DAB1: variants seen among roughly 807,000 people sequenced by gnomAD.
DAB1 encodes DAB adaptor protein 1.
Under a neutral mutation model 64.6 loss-of-function variants are expected in DAB1, and 15 were observed. The observed-to-expected ratio is 0.23, with a 90% confidence interval of 0.16 to 0.36. The LOEUF is 0.36. Ranked by LOEUF, DAB1 falls within the 10% of genes least tolerant of loss-of-function variation. DAB1 has a pLI of 1.00. For missense variants in DAB1, 596 were observed against 706.7 expected (o/e 0.84, Z 1.78); for synonymous variants, 235 against 251.9 (o/e 0.93, Z 0.64).
chr1:57,193,472 C>T (rs1472703545), intron 2 of DAB1, among the ~76,000 whole-genome samples: 1 of 141,122 alleles, frequency 7.1e-6, no homozygotes, highest in African/African-American at 2.7e-5. Flanking sequence ...CTACAAGCTC[C>T]ACCTCCCGGG....
At chr1:58,525,297 A>G (rs921878227) in intron 2 of DAB1, among the ~76,000 whole-genome samples, 12 of 152,110 alleles carry the variant, frequency 7.9e-5, no homozygotes, top group African/African-American at 2.9e-4. Context: ...ACCTTCCAAT[A>G]TATTTATTGA....
Position 57,159,958 on chromosome 1 carries a change from G to T in DAB1, c.68-14529C>A, listed in dbSNP as rs56755034. Among the ~76,000 whole-genome samples, 243 of 151,838 alleles carry T rather than the reference G, an allele frequency of 1.6e-3. 1 individual carries two copies. Among genetic ancestry groups the T allele is most frequent in the Middle Eastern group, 0.01 (3 of 292 alleles). ...GTCTTTCTGACGTCCTCCCATGAAG[G>T]CTTGAGGAGCGTAGCCTATCCTGCT... On this transcript the variant is annotated intron_variant, in intron 2 of 14. Coordinates refer to ENST00000371236, the MANE Select transcript of DAB1 (RefSeq NM_001365792.1).
intron 4 of DAB1, among the ~76,000 whole-genome samples, chr1:58,169,451 C>T (rs1656043035): frequency 6.6e-6 from 1 of 152,124 alleles, no homozygotes; most frequent in African/African-American, 2.4e-5. Context: ...AAAATGCATC[C>T]TAAGCCATTG....
chr1:57,246,126 G>A (rs1208774227), intron 2 of DAB1, among the ~76,000 whole-genome samples: 1 of 152,184 alleles, frequency 6.6e-6, no homozygotes, highest in Non-Finnish European at 1.5e-5. Flanking sequence ...TAAGTAATGA[G>A]GAGCCAAGTA....
chr1:57,598,881 A>G (rs1333104056), intron 7 of DAB1, among the ~76,000 whole-genome samples: 1 of 152,120 alleles, frequency 6.6e-6, no homozygotes. Context: ...AGCTTCACCA[A>G]TTCCTGCCAA....
At chr1:57,825,997 G>A (rs1652333440), downstream of DAB1, 1 of 152,146 alleles carries the variant, frequency 6.6e-6, no homozygotes, top group African/African-American at 2.4e-5. Context: ...TAACAGGTGT[G>A]GTGTATCATT....
chr1:58,511,634 C>T (rs542544714), intron 2 of DAB1, among the ~76,000 whole-genome samples: 84 of 151,874 alleles, frequency 5.5e-4, no homozygotes, highest in African/African-American at 1.3e-3. Flanking sequence ...GTCTCAAAAA[C>T]GAACACACAC....
At chr1:57,873,107 G>T (rs981437070) in intron 1 of DAB1, among the ~76,000 whole-genome samples, 13 of 152,086 alleles carry the variant, frequency 8.5e-5, no homozygotes, top group Non-Finnish European at 1.8e-4. Context: ...TCTAAGGCCA[G>T]ATCATAAAGG....
At chr1:57,168,176 G>A (rs1415924863) in intron 2 of DAB1, among the ~76,000 whole-genome samples, 2 of 152,188 alleles carry the variant, frequency 1.3e-5, no homozygotes, top group Non-Finnish European at 2.9e-5. Context: ...ACTCTTCAGA[G>A]AGTGTATTCT....
At chr1:57,109,175 A>C (rs1023790531) in intron 4 of DAB1, among the ~76,000 whole-genome samples, 3 of 152,206 alleles carry the variant, frequency 2.0e-5, no homozygotes, top group Admixed American at 1.3e-4. Flanking sequence ...TTGGAGAAGC[A>C]GGTACCCAGC....
intron 2 of DAB1, among the ~76,000 whole-genome samples, chr1:57,197,343 CAAAAAA>C (rs772162205): frequency 3.3e-5 from 3 of 90,118 alleles, no homozygotes; most frequent in African/African-American, 1.1e-4. Flanking sequence ...GACTTCATCT[CAAAAAA>C]AAAAAAAAAG....
chr1:58,296,911 A>G (rs1662008527), intron 4 of DAB1, among the ~76,000 whole-genome samples: 1 of 152,222 alleles, frequency 6.6e-6, no homozygotes, highest in Non-Finnish European at 1.5e-5. Context: ...GGTTGTCCAG[A>G]GAAGCATATT....
chr1:58,260,290 C>T (rs570780291), intron 4 of DAB1, among the ~76,000 whole-genome samples: 1 of 152,250 alleles, frequency 6.6e-6, no homozygotes, highest in Non-Finnish European at 1.5e-5. Flanking sequence ...CAGCTTAAGG[C>T]ACCAGTTTAG....
chr1:57,037,317 G>A (rs915433095), intron 9 of DAB1, among the ~76,000 whole-genome samples: 6 of 152,200 alleles, frequency 3.9e-5, no homozygotes, highest in Non-Finnish European at 8.8e-5. Flanking sequence ...CACATGTCAT[G>A]TCCTGGCTGG....
rs752266125 is a variant in DAB1 at position 57,696,959 on chromosome 1, C to G, written n.552-47294G>C. The stretch of plus-strand genomic sequence containing the variant: ...GGTATAGACGAGTAGCAATAATAGT[C>G]AATGCAGGAAGTTTCTGCTTACATT... On this transcript the variant is annotated intron_variant and non_coding_transcript_variant, in intron 6 of 20. Transcript: ENST00000485760. Among the ~76,000 whole-genome samples, 27 of 152,252 alleles carry G rather than the reference C, an allele frequency of 1.8e-4. 1 individual carries two copies. The highest frequency in any genetic ancestry group is 3.8e-4 in the Non-Finnish European group (26 of 68,020).
chr1:57,854,677 T>C (rs753041167), intron 1 of DAB1, among the ~76,000 whole-genome samples: 2 of 152,168 alleles, frequency 1.3e-5, no homozygotes, highest in African/African-American at 2.4e-5. Context: ...TCTGGTTGCT[T>C]CTCAATCTCT....
At chr1:57,943,191 A>C (rs953859123) in intron 5 of DAB1, among the ~76,000 whole-genome samples, 7 of 152,208 alleles carry the variant, frequency 4.6e-5, no homozygotes, top group Non-Finnish European at 8.8e-5. Flanking sequence ...CAAAGCACTA[A>C]GTAAGAGCTG....
chr1:58,289,429 C>T (rs1661764885), intron 4 of DAB1, among the ~76,000 whole-genome samples: 1 of 152,144 alleles, frequency 6.6e-6, no homozygotes, highest in Admixed American at 6.5e-5. Flanking sequence ...AGATTCCAGT[C>T]ATTTTCCCCT....
chr1:57,286,917 G>T (rs1343235410), intron 2 of DAB1, among the ~76,000 whole-genome samples: 1 of 152,106 alleles, frequency 6.6e-6, no homozygotes, highest in Admixed American at 6.5e-5. Context: ...AAATCTATCA[G>T]TTAAATCTGC....
Sources: allele counts gnomAD v4.1 joint callset (sites outside exome capture counted in the v4.1 genomes callset), GRCh38; gene constraint gnomAD v4.1.1; transcripts MANE v1.5; gene names NCBI Gene and HGNC (gene_info 2026-07-23, HGNC 2026-07-21).